The following F3 variants were observed in gnomAD, a reference collection of about 807,000 sequenced individuals.
F3 encodes coagulation factor III, tissue factor.
In F3, 18 loss-of-function variants were observed where a neutral mutation model predicts 33.5. The ratio of observed to expected loss-of-function variants is 0.54; its 90% CI spans 0.37 to 0.80. The LOEUF (loss-of-function observed/expected upper bound fraction) is 0.80, where lower values mean the gene tolerates loss of function less well. Among genes scored for constraint, F3 ranks in the 30% least tolerant of loss-of-function variants. The pLI is 0.00. For synonymous variants in F3, 147 were observed against 140.7 expected (o/e 1.05, Z -0.32); for missense variants, 353 against 362.1 (o/e 0.97, Z 0.20).
intron 3 of F3, among the ~76,000 whole-genome samples, chr1:94,533,659 C>A (rs372785059): frequency 6.6e-6 from 1 of 152,012 alleles, no homozygotes; most frequent in African/African-American, 2.4e-5. Context: ...CCAAGTGTGC[C>A]GCCTCCTACT....
chr1:94,537,818 G>A (rs190432680), intron 2 of F3, among the ~76,000 whole-genome samples: 5 of 152,004 alleles, frequency 3.3e-5, no homozygotes, highest in African/African-American at 4.8e-5. Context: ...TTTTGTTCCC[G>A]AATGACCAAA....
rs956437615 is a variant in F3 at position 94,540,346 on chromosome 1, T to C, written c.123A>G (p.Ala41=). The change falls in exon 2 of 6, where the codon GCA becomes GCG. Residue 41 remains alanine, a synonymous_variant. Coordinates refer to ENST00000334047, the MANE Select transcript of F3 (RefSeq NM_001993.5). ...GASGTTNTVA[A]YNLTWKSTNF... is the part of the protein sequence containing the mutation. ...TAGTTGATTTCCAAGTTAAATTATA[T>C]GCTGCCACAGTATTTGTAGTGCCTT... The C allele has an allele frequency of 6.2e-6, 10 of 1,613,722 alleles. No individual in the cohort carries two copies. The highest frequency in any genetic ancestry group is 1.6e-4 in the Middle Eastern group (1 of 6,084).
intron 2 of F3, among the ~76,000 whole-genome samples, chr1:94,540,012 C>T (rs770125199): frequency 8.5e-5 from 13 of 152,218 alleles, no homozygotes; most frequent in Non-Finnish European, 1.9e-4. Context: ...TTATACTCCA[C>T]TTAGGAACTC....
intron 5 of F3, among the ~76,000 whole-genome samples, chr1:94,531,271 G>C (rs776870935): frequency 1.3e-5 from 2 of 151,386 alleles, no homozygotes; most frequent in Non-Finnish European, 2.9e-5. Flanking sequence ...TCTTCACATG[G>C]AGCTAAGCCA....
rs1212443298 is a variant in F3 at position 94,529,303 on chromosome 1, A to G, written c.*1157T>C. ...ACATAAATAATAAATGGAAGATAGA[A>G]TAAGTACAACAGTAACAATTCCCAG... On this transcript the variant is annotated 3_prime_UTR_variant, in exon 6 of 6. Transcript: ENST00000334047. 2.0e-5 allele frequency: 3 copies of G among 152,682 alleles called. No homozygotes were observed. The East Asian group carries it at 5.8e-4, about 29-fold the overall frequency. The allele number at this position is 152,682 out of a possible 1,614,324, so 9.5% of individuals were successfully genotyped here.
chr1:94,530,887 A>C (rs1651403620), intron 5 of F3, among the ~76,000 whole-genome samples: 1 of 152,206 alleles, frequency 6.6e-6, no homozygotes, highest in African/African-American at 2.4e-5. Context: ...AAGTGCCTAA[A>C]AACGATGCTG....
rs777183015 is a variant in F3, at chr1:94,530,587, T to C, written c.761A>G (p.Tyr254Cys). 3 of 1,613,926 alleles carry C rather than the reference T, an allele frequency of 1.9e-6. No homozygotes were observed. Among genetic ancestry groups the C allele is most frequent in the Non-Finnish European group, 2.5e-6 (3 of 1,180,014 alleles). ...CACAAATACCACAGCTCCAATGATGTAGAATATTTCTGAAAAATAAAGGGC... is the reference window on the plus strand; with the variant it reads ...CACAAATACCACAGCTCCAATGATGCAGAATATTTCTGAAAAATAAAGGGC... The part of the protein sequence containing the change: ...QEKGEFREIF[Y>C]IIGAVVFVVI... The change falls in exon 6 of 6, where the codon TAC (tyrosine) becomes TGC (cysteine). Residue 254 changes from tyrosine (Y) to cysteine (C), a missense_variant. Tyr to Cys is a radical substitution (Grantham distance 194). Transcript: ENST00000334047.
chr1:94,530,626 G>T (rs1651395339), intron 5 of F3, 30 bp from the exon 6 acceptor site: 1 of 1,613,006 alleles, frequency 6.2e-7, no homozygotes, highest in East Asian at 2.2e-5. Context: ...TAGTCAACTT[G>T]GAGAGCTCAA....
At position 94,541,759 on chromosome 1, in the gene F3, T is replaced by C; in HGVS notation, c.-123A>G. On this transcript the variant is annotated 5_prime_UTR_variant, in exon 1 of 6. Transcript: ENST00000334047. Reference sequence around the variant, plus strand: ...AGGGGGTGCGGGGAGCTCGCAGTCTTGGGGAGCCGGTGCCCCGCGCGCTAT... The same window carrying C: ...AGGGGGTGCGGGGAGCTCGCAGTCTCGGGGAGCCGGTGCCCCGCGCGCTAT... The C allele has an allele frequency of 2.0e-6, 1 of 501,822 alleles. No homozygotes were observed. Among genetic ancestry groups the C allele is most frequent in the Non-Finnish European group, 3.2e-6 (1 of 316,824 alleles). 31.1% of individuals were successfully genotyped at this position (501,822 alleles called of 1,614,324 possible).
intron 2 of F3, among the ~76,000 whole-genome samples, chr1:94,537,223 G>A (rs997776535): frequency 1.3e-5 from 2 of 152,204 alleles, no homozygotes; most frequent in African/African-American, 4.8e-5. Flanking sequence ...TACTGACAAT[G>A]AAATTCTTCT....
chr1:94,540,390 C>G, intron 1 of F3, 22 bp from the exon 2 acceptor site: 1 of 1,529,692 alleles, frequency 6.5e-7, no homozygotes, highest in Non-Finnish European at 9.1e-7. Flanking sequence ...AGAGAAACAG[C>G]TATTATTACA....
chr1:94,539,299 T>C (rs1651702158), intron 2 of F3, among the ~76,000 whole-genome samples: 1 of 152,144 alleles, frequency 6.6e-6, no homozygotes, highest in African/African-American at 2.4e-5. Flanking sequence ...TTCTCCTTGC[T>C]GGTTTGGCAA....
chr1:94,532,183 A>T lies in F3; in HGVS notation c.751+138T>A, dbSNP rs535405558. ...TCAAAACCAAAACAAACAAATAACA[A>T]CAAAAAACCTCCAGGCAGTTTGTTT... On this transcript the variant is annotated intron_variant, in intron 5 of 5. Transcript: ENST00000334047. 1.3e-4 allele frequency: 117 copies of T among 878,040 alleles called. 1 individual carries two copies. The South Asian group carries it at 1.8e-3, about 13-fold the overall frequency. The allele number at this position is 878,040 out of a possible 1,614,324, so 54.4% of individuals were successfully genotyped here. A position where few individuals can be genotyped will look rare whatever the true frequency, so the allele number is the denominator to read the frequency against.
chr1:94,532,497 T>C lies in F3; in HGVS notation c.592-17A>G, dbSNP rs371936434. 6 of 1,612,748 alleles carry C rather than the reference T, an allele frequency of 3.7e-6. No individual in the cohort carries two copies. The African/African-American group carries it at 5.3e-5, about 14-fold the overall frequency. ...GGCTGTTTTCTGTAAAAAGATAGAG[T>C]TCTTAATTCATCTGGGCTCTGAGTC... is the stretch of plus-strand genomic sequence containing the variant. On this transcript the variant is annotated splice_polypyrimidine_tract_variant and intron_variant, in intron 4 of 5. Transcript: ENST00000334047.
intron 3 of F3, among the ~76,000 whole-genome samples, chr1:94,535,005 C>G (rs1392031182): frequency 2.0e-5 from 3 of 152,016 alleles, no homozygotes; most frequent in African/African-American, 7.3e-5. Flanking sequence ...TCTGGAGGGT[C>G]TTGCAAATGG....
intron 2 of F3, among the ~76,000 whole-genome samples, chr1:94,537,032 G>A (rs1651628223): frequency 6.6e-6 from 1 of 152,134 alleles, no homozygotes. Context: ...GCAGAGCTGG[G>A]TCTGTTTGCC....
chr1:94,539,092 A>G (rs1201984771), intron 2 of F3, among the ~76,000 whole-genome samples: 1 of 152,230 alleles, frequency 6.6e-6, no homozygotes, highest in East Asian at 1.9e-4. Flanking sequence ...AATTTTTACC[A>G]TATGGAAGTA....
chr1:94,535,816 G>T, intron 3 of F3, 149 bp downstream of exon 3: 1 of 708,636 alleles, frequency 1.4e-6, no homozygotes, highest in Non-Finnish European at 2.4e-6. Flanking sequence ...ACCACATCTG[G>T]AATGTGTGAA....
chr1:94,533,750 G>A (rs1366722316), intron 3 of F3, among the ~76,000 whole-genome samples: 1 of 151,984 alleles, frequency 6.6e-6, no homozygotes, highest in African/African-American at 2.4e-5. Context: ...AAGATGACGA[G>A]GATGAACACC....
Sources: gnomAD v4.1 joint callset for allele counts (sites outside exome capture counted in the v4.1 genomes callset) on GRCh38, gnomAD v4.1.1 for gene constraint, MANE v1.5 for transcripts, NCBI Gene and HGNC (gene_info 2026-07-23, HGNC 2026-07-21) for gene names.